KIT: variants seen among roughly 807,000 people sequenced by gnomAD.
The protein encoded by KIT is KIT proto-oncogene, receptor tyrosine kinase.
KIT carries 16 observed loss-of-function variants against 105.7 expected under a neutral mutation model. That is an observed-to-expected ratio of 0.15 (90% CI 0.10 to 0.23). The LOEUF is 0.23. KIT is among the 10% of genes least tolerant of loss of function. The pLI is 1.00. For synonymous variants in KIT, 438 were observed against 441.1 expected (o/e 0.99, Z 0.09); for missense variants, 858 against 1,213.8 (o/e 0.71, Z 4.36).
At chr4:54,732,405 CCA>C (rs1023963614) in intron 16 of KIT, among the ~76,000 whole-genome samples, 1 of 151,818 alleles carries the variant, frequency 6.6e-6, no homozygotes, top group African/African-American at 2.4e-5. Context: ...GAAGTTAGAT[CCA>C]AATATTATAT....
intron 6 of KIT, among the ~76,000 whole-genome samples, chr4:54,708,408 G>C (rs1376891266): frequency 1.3e-5 from 2 of 152,158 alleles, no homozygotes; most frequent in Middle Eastern, 3.2e-3. Flanking sequence ...AGGCAAGTAA[G>C]GATGTGGCTC....
At chr4:54,692,379 G>T (rs548244192) in intron 1 of KIT, among the ~76,000 whole-genome samples, 8 of 152,162 alleles carry the variant, frequency 5.3e-5, no homozygotes, top group Non-Finnish European at 1.2e-4. Context: ...CATTTTCCAG[G>T]TGTGGAAACT....
At chr4:54,690,019 A>G (rs1457072414) in intron 1 of KIT, among the ~76,000 whole-genome samples, 3 of 147,978 alleles carry the variant, frequency 2.0e-5, no homozygotes, top group East Asian at 4.0e-4. Flanking sequence ...TGCAAGGTTC[A>G]TTCATGTGTG....
intron 4 of KIT, 95 bp from the exon 5 acceptor site, chr4:54,703,629 T>A (rs987552404): frequency 6.0e-6 from 6 of 1,004,450 alleles, no homozygotes; most frequent in African/African-American, 4.8e-5. Context: ...TATGGAGAAG[T>A]TAATTGCTGC....
intron 7 of KIT, among the ~76,000 whole-genome samples, chr4:54,710,566 A>G (rs1186041063): frequency 2.0e-5 from 3 of 150,478 alleles, no homozygotes; most frequent in Non-Finnish European, 4.4e-5. Flanking sequence ...TGTTTTTGAG[A>G]CAGAGTCTCT....
At chr4:54,688,639 C>G (rs1719485799) in intron 1 of KIT, among the ~76,000 whole-genome samples, 1 of 152,186 alleles carries the variant, frequency 6.6e-6, no homozygotes, top group Admixed American at 6.5e-5. Context: ...CGGGGAGAAC[C>G]CCTGAGCTCC....
chr4:54,719,523 A>G (rs1721724940), intron 7 of KIT, among the ~76,000 whole-genome samples: 1 of 152,126 alleles, frequency 6.6e-6, no homozygotes, highest in African/African-American at 2.4e-5. Context: ...GTTGTTGGCG[A>G]TATCAGAATG....
In KIT at chr4:54,738,463, G is replaced by C. The variant is rs779103998; in HGVS notation, c.2837G>C (p.Arg946Pro). ...AACTTAGCAAACTGCAGCCCCAACC[G>C]ACAGAAGCCCGTGGTAGACCATTCT... Reference protein sequence around the residue: ...YSNLANCSPNRQKPVVDHSVR... With the variant: ...YSNLANCSPNPQKPVVDHSVR... The change falls in exon 21 of 21, where the codon CGA becomes CCA. Residue 946 changes from arginine to proline, a missense_variant. Physicochemically the swap from Arg to Pro is moderately radical, Grantham distance 103. Around this residue, in one of 7 missense-constraint regions of KIT, gnomAD observed 105 missense variants for 103.5 expected, o/e 1.01. Transcript: ENST00000288135. The C allele has an allele frequency of 6.2e-7, 1 of 1,614,066 alleles. No homozygotes were observed. The highest frequency in any genetic ancestry group is 1.7e-5 in the Admixed American group (1 of 60,016).
Position 54,722,136 on chromosome 4 carries a change from T to C in KIT, c.1232-1448T>C, listed in dbSNP as rs192972216. Reference sequence around the variant, plus strand: ...GAGTAGCTGGGACTACAGGCGCATGTCACTGTGCCCAGCTAATTTTTGTGT... The same window carrying C: ...GAGTAGCTGGGACTACAGGCGCATGCCACTGTGCCCAGCTAATTTTTGTGT... On this transcript the variant is annotated intron_variant, in intron 7 of 20. Transcript: ENST00000288135. Among the ~76,000 whole-genome samples, 937 of 152,116 alleles carry C rather than the reference T, an allele frequency of 6.2e-3. 3 individuals carry two copies. Among genetic ancestry groups the C allele is most frequent in the South Asian group, 0.029 (139 of 4,806 alleles).
intron 4 of KIT, among the ~76,000 whole-genome samples, 181 bp downstream of exon 4, chr4:54,699,947 TTTA>T (rs543221109): frequency 2.0e-5 from 3 of 152,180 alleles, no homozygotes; most frequent in Non-Finnish European, 4.4e-5. Flanking sequence ...GATATATACA[TTTA>T]TTATTAGTAA....
intron 1 of KIT, among the ~76,000 whole-genome samples, chr4:54,693,562 A>G (rs1012578749): frequency 1.3e-5 from 2 of 152,178 alleles, no homozygotes; most frequent in African/African-American, 4.8e-5. Flanking sequence ...ATTACTGGCC[A>G]GGTTGTACCT....
chr4:54,733,058 C>A lies in KIT; in HGVS notation c.2362-12C>A, dbSNP rs762092420. 7 of 1,609,718 alleles carry A rather than the reference C, an allele frequency of 4.3e-6. No individual in the cohort carries two copies. The Admixed American group carries it at 1.0e-4, about 23-fold the overall frequency. Reference sequence around the variant, plus strand: ...AATTTAAATGGTTTTCTTTTCTCCTCCAACCTAATAGTGTATTCACAGAGA... The same window carrying A: ...AATTTAAATGGTTTTCTTTTCTCCTACAACCTAATAGTGTATTCACAGAGA... On this transcript the variant is annotated splice_polypyrimidine_tract_variant and intron_variant, in intron 16 of 20. Transcript: ENST00000288135.
intron 1 of KIT, among the ~76,000 whole-genome samples, chr4:54,686,251 T>C (rs1250415807): frequency 6.6e-6 from 1 of 152,202 alleles, no homozygotes; most frequent in Non-Finnish European, 1.5e-5. Flanking sequence ...TGTAATGAAG[T>C]CTGTTATTTT....
chr4:54,705,572 T>C (rs1250058295), intron 5 of KIT, among the ~76,000 whole-genome samples: 1 of 152,216 alleles, frequency 6.6e-6, no homozygotes, highest in Non-Finnish European at 1.5e-5. Context: ...GTTTTTTGTT[T>C]TGTGATAAGA....
chr4:54,738,699 T>C lies in KIT; in HGVS notation c.*142T>C, dbSNP rs1022359332. On this transcript the variant is annotated 3_prime_UTR_variant, in exon 21 of 21. Transcript: ENST00000288135. ...CAATCCTGTCTTTCTGAGCACACTT[T>C]AGTGGCCGATGATTTTTGTCATCAG... is the stretch of plus-strand genomic sequence containing the variant. 4.8e-6 allele frequency: 5 copies of C among 1,044,332 alleles called. No individual in the cohort carries two copies. The highest frequency in any genetic ancestry group is 1.6e-5 in the African/African-American group (1 of 64,208). 64.7% of individuals were successfully genotyped at this position (1,044,332 alleles called of 1,614,324 possible).
At chr4:54,675,862 G>C (rs1383977573) in intron 1 of KIT, among the ~76,000 whole-genome samples, 1 of 152,160 alleles carries the variant, frequency 6.6e-6, no homozygotes, top group Non-Finnish European at 1.5e-5. Context: ...CCAGATTGAG[G>C]TCTGATGTGC....
At chr4:54,660,699 C>T (rs1291351549) in intron 1 of KIT, among the ~76,000 whole-genome samples, 1 of 151,954 alleles carries the variant, frequency 6.6e-6, no homozygotes, top group Non-Finnish European at 1.5e-5. Flanking sequence ...CTATTATTAC[C>T]CCTAACATTT....
At chr4:54,688,355 A>G (rs570214752) in intron 1 of KIT, among the ~76,000 whole-genome samples, 1 of 152,354 alleles carries the variant, frequency 6.6e-6, no homozygotes, top group East Asian at 1.9e-4. Flanking sequence ...TGAACCGAAG[A>G]GTAGTTGAAC....
At chr4:54,684,348 AG>A (rs1488445044) in intron 1 of KIT, among the ~76,000 whole-genome samples, 3 of 152,128 alleles carry the variant, frequency 2.0e-5, no homozygotes, top group Non-Finnish European at 1.5e-5. Flanking sequence ...TGTACCACTG[AG>A]AGTCTCCTGA....
Sources: gnomAD v4.1 joint callset for allele counts (sites outside exome capture counted in the v4.1 genomes callset) on GRCh38, gnomAD v4.1.1 for gene constraint, gnomAD v4.1.1 regional missense constraint, MANE v1.5 for transcripts, NCBI Gene and HGNC (gene_info 2026-07-23, HGNC 2026-07-21) for gene names.